BTG3: variants seen among roughly 807,000 people sequenced by gnomAD.
BTG3 encodes protein BTG3.
BTG3 carries 4 observed loss-of-function variants against 25.8 expected under a neutral mutation model. The ratio of observed to expected loss-of-function variants is 0.16; its 90% CI spans 0.08 to 0.36. The LOEUF (loss-of-function observed/expected upper bound fraction) is 0.36, where lower values mean the gene tolerates loss of function less well. Among genes scored for constraint, BTG3 ranks in the 10% least tolerant of loss-of-function variants. The pLI, the probability that BTG3 is intolerant of heterozygous loss-of-function variation, is 1.00. For missense variants in BTG3, 201 were observed against 304.9 expected (o/e 0.66, Z 2.54); for synonymous variants, 107 against 99.9 (o/e 1.07, Z -0.42).
At chr21:17,598,411 T>C (rs2061531079) in intron 4 of BTG3, among the ~76,000 whole-genome samples, 1 of 152,206 alleles carries the variant, frequency 6.6e-6, no homozygotes, top group Non-Finnish European at 1.5e-5. Flanking sequence ...ATCCTAGTTA[T>C]TGTATAGTGA....
At chr21:17,600,557 A>G (rs1034369624) in intron 3 of BTG3, among the ~76,000 whole-genome samples, 3 of 152,188 alleles carry the variant, frequency 2.0e-5, no homozygotes, top group Admixed American at 1.3e-4. Context: ...GCAGTGGCTT[A>G]CACCTGTAAT....
chr21:17,608,929 C>G (rs2061682706), intron 2 of BTG3, 43 bp downstream of exon 2: 1 of 1,581,876 alleles, frequency 6.3e-7, no homozygotes, highest in Non-Finnish European at 8.6e-7. Flanking sequence ...GAACCCACCT[C>G]AGGGGTTGAT....
In BTG3 at chr21:17,594,140, A is replaced by G. The variant is rs2061471697; in HGVS notation, c.712T>C (p.Cys238Arg). The G allele has an allele frequency of 6.2e-7, 1 of 1,613,154 alleles. No individual in the cohort carries two copies. ...GGATTAATCCAGTGATTCCGGTCAC[A>G]ATGCATTCCAGGAGGAGGTACCCAT... ...VTWVPPPGMH[C>R]DRNHWINPHM... Residue 238 changes from cysteine to arginine, a missense_variant, in exon 5 of 5, where the codon TGT (cysteine) becomes CGT (arginine). Around this residue, in one of 2 missense-constraint regions of BTG3, gnomAD observed 131 missense variants for 129.3 expected, o/e 1.01. Coordinates refer to ENST00000348354, the MANE Select transcript of BTG3 (RefSeq NM_006806.5).
intron 3 of BTG3, chr21:17,604,142 T>C: frequency 7.8e-7 from 1 of 1,284,908 alleles, no homozygotes; most frequent in Non-Finnish European, 1.0e-6. Context: ...CTCAGTCACT[T>C]ACATAATCAA....
At chr21:17,606,377 C>T (rs1250377813) in intron 2 of BTG3, among the ~76,000 whole-genome samples, 2 of 152,048 alleles carry the variant, frequency 1.3e-5, no homozygotes, top group African/African-American at 2.4e-5. Flanking sequence ...TTAGCGTCAC[C>T]ATTAACAATA....
chr21:17,598,850 A>G, intron 3 of BTG3, 26 bp from the exon 4 acceptor site: 2 of 1,587,880 alleles, frequency 1.3e-6, no homozygotes, highest in South Asian at 1.1e-5. Flanking sequence ...AAAACTTACA[A>G]ATCTTGAAGT....
chr21:17,600,885 T>C (rs372090526), intron 3 of BTG3, among the ~76,000 whole-genome samples: 23 of 152,112 alleles, frequency 1.5e-4, no homozygotes, highest in Non-Finnish European at 2.2e-4. Context: ...CTACAGGGGC[T>C]GGGCGCGGTG....
At chr21:17,600,271 C>T (rs2061555741) in intron 3 of BTG3, among the ~76,000 whole-genome samples, 1 of 151,996 alleles carries the variant, frequency 6.6e-6, no homozygotes. Flanking sequence ...CACTATCAAA[C>T]AATTTCTAGC....
chr21:17,597,538 C>A (rs891920746), intron 4 of BTG3, among the ~76,000 whole-genome samples: 9 of 151,872 alleles, frequency 5.9e-5, no homozygotes, highest in Admixed American at 5.9e-4. Flanking sequence ...TGTGGAAATG[C>A]ATAGGGACTG....
chr21:17,599,091 AT>A, intron 3 of BTG3: 1 of 333,530 alleles, frequency 3.0e-6, no homozygotes, highest in East Asian at 5.0e-5. Context: ...TAAAAAAAAA[AT>A]TGTTTAAAAC....
chr21:17,609,189 A>G (rs541004196), intron 1 of BTG3, 37 bp from the exon 2 acceptor site: 1 of 1,581,240 alleles, frequency 6.3e-7, no homozygotes, highest in Non-Finnish European at 8.6e-7. Flanking sequence ...GAAAAACAAA[A>G]TATAAAAACT....
chr21:17,604,826 G>T, intron 3 of BTG3, 34 bp downstream of exon 3: 1 of 1,595,412 alleles, frequency 6.3e-7, no homozygotes, highest in African/African-American at 1.3e-5. Context: ...TTCCAGCATG[G>T]TCATCAGTTC....
intron 4 of BTG3, among the ~76,000 whole-genome samples, chr21:17,598,195 A>C (rs936269637): frequency 5.9e-5 from 9 of 152,156 alleles, no homozygotes; most frequent in African/African-American, 2.2e-4. Flanking sequence ...GCTTGAGTAA[A>C]ATATTAATTA....
chr21:17,600,804 T>C (rs528854792), intron 3 of BTG3, among the ~76,000 whole-genome samples: 1 of 152,364 alleles, frequency 6.6e-6, no homozygotes, highest in East Asian at 1.9e-4. Flanking sequence ...CAAATGAAAC[T>C]ATAAATACTA....
At position 17,607,374 on chromosome 21, in the gene BTG3, G is replaced by A. The variant is rs959148891; in HGVS notation, c.173+1598C>T. ...CTTAACGAAAGCTGTTCACTCTATT[G>A]GAAATGAAAATATGCAAAAAAAAAA... is the stretch of plus-strand genomic sequence containing the variant. On this transcript the variant is annotated intron_variant, in intron 2 of 4. Coordinates refer to ENST00000348354, the MANE Select transcript of BTG3 (RefSeq NM_006806.5). Among the ~76,000 whole-genome samples the A allele has an allele frequency of 4.6e-5, 7 of 151,654 alleles. No individual in the cohort carries two copies. In the East Asian group the frequency reaches 5.8e-4, roughly 13 times the overall value.
intron 3 of BTG3, chr21:17,604,136 G>A (rs2061606810): frequency 3.1e-6 from 4 of 1,285,540 alleles, no homozygotes; most frequent in African/African-American, 1.6e-5. Flanking sequence ...GTATCACTCA[G>A]TCACTTACAT....
intron 3 of BTG3, among the ~76,000 whole-genome samples, chr21:17,602,773 A>G (rs2061590585): frequency 6.6e-6 from 1 of 152,220 alleles, no homozygotes; most frequent in South Asian, 2.1e-4. Flanking sequence ...TGAAATGTCT[A>G]CTGAAGTAGA....
chr21:17,594,070 C>CA lies in BTG3; in HGVS notation c.*22dup. 1 of 1,608,824 alleles carries CA rather than the reference C, an allele frequency of 6.2e-7. No homozygotes were observed. The highest frequency in any genetic ancestry group is 1.1e-5 in the South Asian group (1 of 90,202). On this transcript the variant is annotated 3_prime_UTR_variant, in exon 5 of 5. Coordinates refer to ENST00000348354, the MANE Select transcript of BTG3 (RefSeq NM_006806.5). Reference sequence around the variant, plus strand: ...TTATTCTACCTTTTTCTCAACATGACACCAACACAATCAAAAACGAAGTTA... The same window carrying CA: ...TTATTCTACCTTTTTCTCAACATGACAACCAACACAATCAAAAACGAAGTTA...
At chr21:17,605,137 C>T in intron 2 of BTG3, 140 bp from the exon 3 acceptor site, 2 of 949,162 alleles carry the variant, frequency 2.1e-6, no homozygotes, top group Non-Finnish European at 3.0e-6. Flanking sequence ...GCATATCTAT[C>T]CTAAACAGAT....
Sources: allele counts gnomAD v4.1 joint callset (sites outside exome capture counted in the v4.1 genomes callset), GRCh38; gene constraint gnomAD v4.1.1; regional missense constraint gnomAD v4.1.1; transcripts MANE v1.5; gene names NCBI Gene and HGNC (gene_info 2026-07-23, HGNC 2026-07-21).